Variants in KCNIP4 observed in about 807,000 individuals in gnomAD.
KCNIP4 encodes Kv channel-interacting protein 4.
KCNIP4 carries 12 observed loss-of-function variants against 34.0 expected under a neutral mutation model. The observed-to-expected ratio is 0.35, with a 90% CI of 0.23 to 0.57. The LOEUF (loss-of-function observed/expected upper bound fraction) is 0.57, where lower values mean the gene tolerates loss of function less well. Among genes scored for constraint, KCNIP4 ranks in the 20% least tolerant of loss-of-function variants. KCNIP4 has a pLI of 0.83. For synonymous variants in KCNIP4, 124 were observed against 102.2 expected, an observed-to-expected ratio of 1.21 and a Z score of -1.29; for missense variants, 238 against 311.7, an observed-to-expected ratio of 0.76 and a Z score of 1.78.
At chr4:21,539,931 T>C (rs925950202) in intron 1 of KCNIP4, among the ~76,000 whole-genome samples, 16 of 151,732 alleles carry the variant, frequency 1.1e-4, no homozygotes, top group Admixed American at 1.1e-3. Context: ...TGAGCTGAGA[T>C]TGTGCCATTG....
intron 1 of KCNIP4, among the ~76,000 whole-genome samples, chr4:21,621,102 C>A (rs1055703901): frequency 3.9e-5 from 6 of 152,102 alleles, no homozygotes; most frequent in Admixed American, 3.9e-4. Context: ...GTGAAGTGAG[C>A]CAAGCAAAAA....
chr4:21,259,993 GTTTC>G (rs1761360462), intron 1 of KCNIP4, among the ~76,000 whole-genome samples: 1 of 151,846 alleles, frequency 6.6e-6, no homozygotes, highest in Non-Finnish European at 1.5e-5. Context: ...CTGTGTGATT[GTTTC>G]TTATCAGACC....
intron 1 of KCNIP4, chr4:21,855,663 G>A (rs1724704129): frequency 6.6e-6 from 1 of 152,036 alleles, no homozygotes; most frequent in Admixed American, 6.6e-5. Context: ...TGGCTTCTGG[G>A]TCCTACCTGT....
At chr4:20,936,467 G>T (rs1261853164) in intron 1 of KCNIP4, among the ~76,000 whole-genome samples, 1 of 151,216 alleles carries the variant, frequency 6.6e-6, no homozygotes, top group Non-Finnish European at 1.5e-5. Context: ...ATGCATACAG[G>T]TACATTGCTA....
intron 1 of KCNIP4, among the ~76,000 whole-genome samples, chr4:21,144,384 C>A (rs2109221943): frequency 6.6e-6 from 1 of 152,238 alleles, no homozygotes; most frequent in East Asian, 1.9e-4. Context: ...TCAGAGATTT[C>A]TAAAATTTAC....
intron 1 of KCNIP4, among the ~76,000 whole-genome samples, chr4:21,474,359 AG>A (rs1282421069): frequency 6.6e-6 from 1 of 152,218 alleles, no homozygotes; most frequent in Non-Finnish European, 1.5e-5. Flanking sequence ...CAGAGTCTGC[AG>A]ATGAAAAAAG....
intron 1 of KCNIP4, among the ~76,000 whole-genome samples, chr4:20,986,227 C>T (rs1444229906): frequency 6.6e-6 from 1 of 152,178 alleles, no homozygotes; most frequent in Non-Finnish European, 1.5e-5. Context: ...ATCATCTCAA[C>T]CCACAGTGTG....
chr4:21,566,226 C>T (rs1739873268), intron 1 of KCNIP4, among the ~76,000 whole-genome samples: 1 of 152,152 alleles, frequency 6.6e-6, no homozygotes, highest in Non-Finnish European at 1.5e-5. Context: ...TGGGATGAGA[C>T]AGGTGGCAAG....
chr4:20,737,514 A>G (rs1164290288), intron 5 of KCNIP4, among the ~76,000 whole-genome samples: 9 of 150,650 alleles, frequency 6.0e-5, no homozygotes, highest in Admixed American at 5.3e-4. Context: ...CGATCTGAGA[A>G]GGGAGTTGAT....
At chr4:20,923,005 A>G (rs1729559363) in intron 1 of KCNIP4, among the ~76,000 whole-genome samples, 1 of 152,032 alleles carries the variant, frequency 6.6e-6, no homozygotes, top group Non-Finnish European at 1.5e-5. Context: ...TGTAAAAAAG[A>G]TGGATTTTTC....
chr4:21,168,080 AG>A (rs910201953), intron 1 of KCNIP4, among the ~76,000 whole-genome samples: 1 of 152,228 alleles, frequency 6.6e-6, no homozygotes, highest in Non-Finnish European at 1.5e-5. Flanking sequence ...TTTAAATAAA[AG>A]GTGTTTCTAA....
intron 1 of KCNIP4, among the ~76,000 whole-genome samples, chr4:21,492,512 T>C (rs1732498133): frequency 6.6e-6 from 1 of 152,136 alleles, no homozygotes; most frequent in South Asian, 2.1e-4. Flanking sequence ...GCATGAGCCA[T>C]GGCACTCAGC....
At chr4:21,429,197 C>T (rs557348837) in intron 1 of KCNIP4, among the ~76,000 whole-genome samples, 3 of 152,280 alleles carry the variant, frequency 2.0e-5, no homozygotes, top group Non-Finnish European at 2.9e-5. Context: ...AAAGTTTTGA[C>T]CTTTCAAGAA....
chr4:21,892,618 T>C (rs1464413242), intron 1 of KCNIP4, among the ~76,000 whole-genome samples: 2 of 150,840 alleles, frequency 1.3e-5, no homozygotes, highest in Non-Finnish European at 2.9e-5. Context: ...TCCCAACAGG[T>C]TATACAATCT....
chr4:21,608,599 C>T (rs1743905296), intron 1 of KCNIP4, among the ~76,000 whole-genome samples: 1 of 152,202 alleles, frequency 6.6e-6, no homozygotes, highest in South Asian at 2.1e-4. Context: ...CCAGGATAAT[C>T]TCCCCATATC....
chr4:21,006,857 G>C (rs1738608388), intron 1 of KCNIP4, among the ~76,000 whole-genome samples: 1 of 152,148 alleles, frequency 6.6e-6, no homozygotes, highest in Admixed American at 6.5e-5. Context: ...GCAGAATGGG[G>C]CATGACAGGG....
At chr4:21,700,100 T>C (rs1168372697) in intron 1 of KCNIP4, among the ~76,000 whole-genome samples, 1 of 152,196 alleles carries the variant, frequency 6.6e-6, no homozygotes, top group Non-Finnish European at 1.5e-5. Context: ...GTTGATGACA[T>C]AGAAATACTA....
At chr4:21,519,731 TATATGTATG>T (rs1560481011) in intron 1 of KCNIP4, among the ~76,000 whole-genome samples, 66 of 123,808 alleles carry the variant, frequency 5.3e-4, no homozygotes, top group Admixed American at 3.7e-3. Context: ...CACACGTGTG[TATATGTATG>T]ATACACACGT....
intron 1 of KCNIP4, among the ~76,000 whole-genome samples, chr4:21,413,829 T>C (rs1416492451): frequency 6.6e-6 from 1 of 152,226 alleles, no homozygotes; most frequent in Non-Finnish European, 1.5e-5. Context: ...TCTGAACTGT[T>C]GTATTGCAGT....
Sources: gnomAD v4.1 joint callset for allele counts (sites outside exome capture counted in the v4.1 genomes callset) on GRCh38, gnomAD v4.1.1 for gene constraint, MANE v1.5 for transcripts, NCBI Gene and HGNC (gene_info 2026-07-23, HGNC 2026-07-21) for gene names.